Variants in COL5A2 observed in about 807,000 individuals in gnomAD.
COL5A2 encodes collagen type V alpha 2 chain, also known as collagen alpha-2(V) chain.
Under a neutral mutation model 208.2 loss-of-function variants are expected in COL5A2, and 23 were observed. The observed-to-expected ratio is 0.11, with a 90% CI of 0.08 to 0.16. COL5A2 has a LOEUF of 0.16. Among genes scored for constraint, COL5A2 ranks in the 10% least tolerant of loss-of-function variants. The pLI is 1.00. For synonymous variants in COL5A2, 625 were observed against 628.5 expected, an observed-to-expected ratio of 0.99 and a Z score of 0.08; for missense variants, 1,590 against 1,956.4, an observed-to-expected ratio of 0.81 and a Z score of 3.53.
chr2:189,410,072 TATAAG>T, the COL5A2 span, among the ~76,000 whole-genome samples: 62 of 152,280 alleles, frequency 4.1e-4, no homozygotes, highest in East Asian at 8.5e-3. Flanking sequence ...AACTTATTTT[TATAAG>T]ATAAGTTATG....
the COL5A2 span, among the ~76,000 whole-genome samples, chr2:189,237,850 T>C: frequency 2.6e-5 from 4 of 152,056 alleles, no homozygotes; most frequent in African/African-American, 7.2e-5. Context: ...TGATGAACTT[T>C]GGATTTCCTT....
chr2:189,122,426 T>A (rs1687522785), intron 1 of COL5A2, among the ~76,000 whole-genome samples: 1 of 152,128 alleles, frequency 6.6e-6, no homozygotes. Context: ...AAACATGTCA[T>A]ATACATAGCT....
At chr2:189,035,505 T>C (rs1305826232) in intron 52 of COL5A2, among the ~76,000 whole-genome samples, 4 of 152,044 alleles carry the variant, frequency 2.6e-5, no homozygotes, top group Non-Finnish European at 5.9e-5. Flanking sequence ...ACTAGTAGTA[T>C]AAAATCTTTT....
chr2:189,075,489 A>AT (rs777589995), intron 16 of COL5A2, 52 bp from the exon 17 acceptor site: 2 of 1,396,138 alleles, frequency 1.4e-6, no homozygotes, highest in African/African-American at 2.9e-5. Flanking sequence ...TTTAGACTAT[A>AT]TTTTCTCTTA....
the COL5A2 span, among the ~76,000 whole-genome samples, chr2:189,291,834 T>C: frequency 6.6e-6 from 1 of 152,090 alleles, no homozygotes; most frequent in Non-Finnish European, 1.5e-5. Context: ...TCTATACTGG[T>C]TTGTTCCATT....
the COL5A2 span, among the ~76,000 whole-genome samples, chr2:189,296,265 T>G: frequency 6.6e-6 from 1 of 152,216 alleles, no homozygotes; most frequent in Non-Finnish European, 1.5e-5. Context: ...TTTTTTATTC[T>G]AGGACTTCTG....
chr2:189,252,184 C>T, the COL5A2 span, among the ~76,000 whole-genome samples: 1 of 152,140 alleles, frequency 6.6e-6, no homozygotes, highest in Non-Finnish European at 1.5e-5. Flanking sequence ...CTAGTTCAAC[C>T]ATTGTGGAAG....
the COL5A2 span, among the ~76,000 whole-genome samples, chr2:189,256,880 G>C: frequency 2.6e-5 from 4 of 152,072 alleles, no homozygotes; most frequent in African/African-American, 9.7e-5. Flanking sequence ...TGCCTGCCTC[G>C]GCCTCCCAAA....
At chr2:189,289,731 A>G in the COL5A2 span, among the ~76,000 whole-genome samples, 2 of 152,230 alleles carry the variant, frequency 1.3e-5, no homozygotes, top group South Asian at 4.1e-4. Context: ...ATTTCCGAAC[A>G]CCTAGGTTTG....
intron 16 of COL5A2, among the ~76,000 whole-genome samples, chr2:189,076,370 C>T (rs888304917): frequency 7.2e-5 from 11 of 151,970 alleles, no homozygotes; most frequent in African/African-American, 2.4e-4. Context: ...CTTGGCATGC[C>T]GCGATGGCAC....
chr2:189,081,119 C>A, intron 12 of COL5A2, 76 bp from the exon 13 acceptor site: 1 of 1,198,976 alleles, frequency 8.3e-7, no homozygotes, highest in Non-Finnish European at 1.2e-6. Context: ...TCATTTTTTC[C>A]CAAAAAATAG....
the COL5A2 span, among the ~76,000 whole-genome samples, chr2:189,342,959 C>T: frequency 6.6e-6 from 1 of 152,074 alleles, no homozygotes; most frequent in Non-Finnish European, 1.5e-5. Flanking sequence ...TCTTATCTTA[C>T]CTTTATCAAG....
At chr2:189,113,545 T>G (rs1418867727) in intron 1 of COL5A2, among the ~76,000 whole-genome samples, 1 of 149,876 alleles carries the variant, frequency 6.7e-6, no homozygotes, top group African/African-American at 2.4e-5. Flanking sequence ...AATATATGTA[T>G]GTTTTATATA....
At position 189,041,571 on chromosome 2, in the gene COL5A2, C is replaced by A; in HGVS notation, c.3633+15G>T. 6.3e-7 allele frequency: 1 copy of A among 1,575,714 alleles called. No homozygotes were observed. Among genetic ancestry groups the A allele is most frequent in the Non-Finnish European group, 8.7e-7 (1 of 1,145,184 alleles). ...ATAAATAGCATTTCTTGCATGTAAA[C>A]CTTTGTGACTTTACCTCAGGTCCTG... is the stretch of plus-strand genomic sequence containing the variant. On this transcript the variant is annotated intron_variant, in intron 50 of 53. Transcript: ENST00000374866.
intron 8 of COL5A2, among the ~76,000 whole-genome samples, chr2:189,087,597 C>T (rs913584472): frequency 4.0e-5 from 6 of 150,808 alleles, no homozygotes; most frequent in East Asian, 2.0e-4. Flanking sequence ...GGACTACAGG[C>T]ACCTGCCACC....
the COL5A2 span, among the ~76,000 whole-genome samples, chr2:189,239,193 A>T: frequency 0.81 from 123,539 of 151,848 alleles, 50,328 homozygotes; most frequent in East Asian, 0.93. Flanking sequence ...CTGATTTTTT[A>T]AAGAGACTCT....
At chr2:189,127,758 T>C (rs1687635639) in intron 1 of COL5A2, among the ~76,000 whole-genome samples, 1 of 152,028 alleles carries the variant, frequency 6.6e-6, no homozygotes, top group Non-Finnish European at 1.5e-5. Context: ...TTCAAATCCA[T>C]TTACATGTGT....
rs749087232 is a variant in COL5A2 at position 189,053,489 on chromosome 2, C to T, written c.2500-12G>A. On this transcript the variant is annotated splice_polypyrimidine_tract_variant and intron_variant, in intron 37 of 53. Coordinates refer to ENST00000374866, the MANE Select transcript of COL5A2 (RefSeq NM_000393.5). ...TCACCTCGAGAACCCTAGGAGGAGA[C>T]AAAGATTACTGTAGCTTTCACACAT... 1 of 1,611,618 alleles carries T rather than the reference C, an allele frequency of 6.2e-7. No homozygotes were observed. Among genetic ancestry groups the T allele is most frequent in the Admixed American group, 1.7e-5 (1 of 59,996 alleles).
the COL5A2 span, among the ~76,000 whole-genome samples, chr2:189,291,018 A>G: frequency 6.6e-6 from 1 of 152,230 alleles, no homozygotes; most frequent in Admixed American, 6.5e-5. Context: ...AGTTTTCTAT[A>G]CTGGTCTTCT....
Sources: allele counts gnomAD v4.1 joint callset (sites outside exome capture counted in the v4.1 genomes callset), GRCh38; gene constraint gnomAD v4.1.1; transcripts MANE v1.5; gene names NCBI Gene and HGNC (gene_info 2026-07-23, HGNC 2026-07-21).